NKD1: variants seen among roughly 807,000 people sequenced by gnomAD.
NKD1 encodes the protein NKD inhibitor of Wnt signaling pathway 1.
A neutral mutation model predicts 56.0 loss-of-function variants in NKD1; 21 were observed. The observed-to-expected ratio is 0.38, with a 90% CI of 0.27 to 0.54. The LOEUF (loss-of-function observed/expected upper bound fraction) is 0.54. Among genes scored for constraint, NKD1 ranks in the 20% least tolerant of loss-of-function variants. The probability of loss-of-function intolerance (pLI) is 0.82; values close to 1 mark genes in which losing one functional copy is unlikely to be tolerated. For missense variants in NKD1, 578 were observed against 642.7 expected (o/e 0.90, Z 1.09); for synonymous variants, 263 against 265.7 (o/e 0.99, Z 0.10).
At chr16:50,555,139 A>G (rs1447006405) in intron 3 of NKD1, among the ~76,000 whole-genome samples, 1 of 152,008 alleles carries the variant, frequency 6.6e-6, no homozygotes, top group Non-Finnish European at 1.5e-5. Context: ...AGGAGGAAGG[A>G]GTTGGAGGTG....
At chr16:50,603,197 T>C (rs2151274306) in intron 3 of NKD1, among the ~76,000 whole-genome samples, 1 of 152,354 alleles carries the variant, frequency 6.6e-6, no homozygotes, top group African/African-American at 2.4e-5. Flanking sequence ...AATTAAGTAA[T>C]GTGTCTGCTG....
intron 3 of NKD1, among the ~76,000 whole-genome samples, chr16:50,604,074 G>A (rs1961653880): frequency 6.6e-6 from 1 of 152,232 alleles, no homozygotes; most frequent in Non-Finnish European, 1.5e-5. Flanking sequence ...AGGCCAGAGG[G>A]GAGGGGCCTG....
intron 3 of NKD1, among the ~76,000 whole-genome samples, chr16:50,560,717 A>C (rs1297933245): frequency 2.6e-5 from 4 of 151,806 alleles, no homozygotes; most frequent in Non-Finnish European, 5.9e-5. Context: ...GAGTAAAAAT[A>C]TGAGAAAACA....
chr16:50,620,078 C>T (rs1301154512), intron 4 of NKD1, among the ~76,000 whole-genome samples: 4 of 152,286 alleles, frequency 2.6e-5, no homozygotes, highest in Non-Finnish European at 5.9e-5. Context: ...AACTGCCTCA[C>T]AGGGCTTCAT....
In NKD1 at chr16:50,598,262, T is replaced by TGTGTGTGCGCGCGC. The variant is rs138964473; in HGVS notation, c.193-10031_193-10030insTGTGTGCGCGCGCG. ...GTGTGTGTGTGTGTGTGTGTGTGTG[T>TGTGTGTGCGCGCGC]GCGCGCACACCTGTGCTCATGGACA... On this transcript the variant is annotated intron_variant, in intron 3 of 9. Coordinates refer to ENST00000268459, the MANE Select transcript of NKD1 (RefSeq NM_033119.5). The surrounding 1 kb of genome is among the most constrained non-coding windows in gnomAD (Gnocchi z 4.2). 7.0e-3 allele frequency among the ~76,000 whole-genome samples: 1,038 copies of TGTGTGTGCGCGCGC among 148,550 alleles called. 11 individuals are homozygous for TGTGTGTGCGCGCGC. The highest frequency in any genetic ancestry group is 0.022 in the African/African-American group (843 of 39,072).
At chr16:50,561,789 G>A (rs1960639993) in intron 3 of NKD1, among the ~76,000 whole-genome samples, 2 of 152,226 alleles carry the variant, frequency 1.3e-5, no homozygotes, top group African/African-American at 4.8e-5. Context: ...TTAGGGGAAG[G>A]AACTACACAG....
rs186689607 is a variant in NKD1, at chr16:50,617,615, C to T, written c.260-3987C>T. ...TGGTAAACACAGCAAGCTGACTCCT[C>T]GTGGCTGTGGTGTGAGGAGGGACAG... On this transcript the variant is annotated intron_variant, in intron 4 of 9. Coordinates refer to ENST00000268459, the MANE Select transcript of NKD1 (RefSeq NM_033119.5). 6.9e-3 allele frequency among the ~76,000 whole-genome samples: 1,050 copies of T among 152,188 alleles called. 15 individuals carry two copies. Among genetic ancestry groups the T allele is most frequent in the African/African-American group, 0.024 (988 of 41,524 alleles).
At chr16:50,600,136 A>G (rs1961561750) in intron 3 of NKD1, among the ~76,000 whole-genome samples, 1 of 152,038 alleles carries the variant, frequency 6.6e-6, no homozygotes, top group South Asian at 2.1e-4. Context: ...GCATGGTTCA[A>G]TGGTTGATGT....
intron 3 of NKD1, among the ~76,000 whole-genome samples, chr16:50,602,303 T>A (rs8052312): frequency 1.3e-5 from 2 of 152,144 alleles, no homozygotes; most frequent in African/African-American, 4.8e-5. Flanking sequence ...TGCCCATTGA[T>A]GGGATGCGGG....
chr16:50,616,653 C>T (rs1187050830), intron 4 of NKD1, among the ~76,000 whole-genome samples: 1 of 152,164 alleles, frequency 6.6e-6, no homozygotes, highest in Non-Finnish European at 1.5e-5. Flanking sequence ...TCTCAAGAAA[C>T]TTGCTTTCTG....
At chr16:50,574,850 T>G (rs968361036) in intron 3 of NKD1, 5 of 985,470 alleles carry the variant, frequency 5.1e-6, no homozygotes, top group Non-Finnish European at 4.8e-6. Context: ...AAGCTGTTTC[T>G]ATGTGGGGGC....
intron 3 of NKD1, among the ~76,000 whole-genome samples, chr16:50,582,834 C>G (rs1961146324): frequency 6.6e-6 from 1 of 152,310 alleles, no homozygotes; most frequent in East Asian, 1.9e-4. Flanking sequence ...TGGTGAAACC[C>G]TGACTCTACT....
intron 3 of NKD1, among the ~76,000 whole-genome samples, chr16:50,583,998 C>T (rs1961174044): frequency 6.6e-6 from 1 of 152,230 alleles, no homozygotes; most frequent in Admixed American, 6.5e-5. Flanking sequence ...AGAGAACAGG[C>T]AGTGCAGTTG....
At chr16:50,570,286 G>A (rs1266383937) in intron 3 of NKD1, among the ~76,000 whole-genome samples, 1 of 152,160 alleles carries the variant, frequency 6.6e-6, no homozygotes, top group Non-Finnish European at 1.5e-5. Flanking sequence ...TGGGGATGAT[G>A]TTGACCCCAA....
In NKD1 at chr16:50,548,434, C is replaced by A. The variant is rs977485321; in HGVS notation, c.-120C>A. 3 of 626,648 alleles carry A rather than the reference C, an allele frequency of 4.8e-6. No homozygotes were observed. The highest frequency in any genetic ancestry group is 6.6e-6 in the Non-Finnish European group (3 of 455,556). The allele number at this position is 626,648 out of a possible 1,614,324, so 38.8% of individuals were successfully genotyped here. ...CGACGGCGGCAGGAGCGCGTCCCGGCGCCGCCTCGGGCTCCGCTCGGCTCG... is the reference window on the plus strand; with the variant it reads ...CGACGGCGGCAGGAGCGCGTCCCGGAGCCGCCTCGGGCTCCGCTCGGCTCG... On this transcript the variant is annotated 5_prime_UTR_variant, in exon 1 of 10. Coordinates refer to ENST00000268459, the MANE Select transcript of NKD1 (RefSeq NM_033119.5).
rs954519025 is a variant in NKD1 at position 50,646,376 on chromosome 16, G to GC, written c.*12595_*12596insC. 1.1e-4 allele frequency: 17 copies of GC among 150,206 alleles called. No homozygotes were observed. The highest frequency in any genetic ancestry group is 4.1e-4 in the African/African-American group (17 of 40,982). The allele number at this position is 150,206 out of a possible 1,614,324, so 9.3% of individuals were successfully genotyped here. The stretch of plus-strand genomic sequence containing the variant: ...AAAGACGAGGAAGAAAAAGAGGGGG[G>GC]GGGGAGAGAGAACGAAGGCTAACTG... On this transcript the variant is annotated 3_prime_UTR_variant, in exon 10 of 10. Transcript: ENST00000268459.
intron 3 of NKD1, among the ~76,000 whole-genome samples, chr16:50,580,944 C>T (rs1220287628): frequency 2.0e-5 from 3 of 152,142 alleles, no homozygotes; most frequent in Admixed American, 6.5e-5. Flanking sequence ...TTCTATTTCT[C>T]TCATAGGAAA....
rs904151011 is a variant in NKD1 at position 50,641,414 on chromosome 16, G to A, written c.*7633G>A. The A allele has an allele frequency of 6.6e-5, 10 of 152,282 alleles. No individual in the cohort carries two copies. The highest frequency in any genetic ancestry group is 6.8e-3 in the Middle Eastern group (2 of 294). The allele number at this position is 152,282 out of a possible 1,614,324, so 9.4% of individuals were successfully genotyped here. A position where few individuals can be genotyped will look rare whatever the true frequency, so the allele number is the denominator to read the frequency against. ...GGGACCGTACCTAGCCTGGCCCATC[G>A]ATGTGTCATGTTTGACCCATCAAGG... On this transcript the variant is annotated 3_prime_UTR_variant, in exon 10 of 10. Coordinates refer to ENST00000268459, the MANE Select transcript of NKD1 (RefSeq NM_033119.5).
intron 8 of NKD1, among the ~76,000 whole-genome samples, chr16:50,631,309 G>GT (rs1273371267): frequency 6.6e-6 from 1 of 152,186 alleles, no homozygotes. Flanking sequence ...TAGTTTTCAG[G>GT]CTTTTTGGAC....
Sources: gnomAD v4.1 joint callset for allele counts (sites outside exome capture counted in the v4.1 genomes callset) on GRCh38, gnomAD v4.1.1 for gene constraint, Gnocchi (gnomAD v3.1) non-coding constraint, MANE v1.5 for transcripts, NCBI Gene and HGNC (gene_info 2026-07-23, HGNC 2026-07-21) for gene names.